ANK1: variants seen among roughly 807,000 people sequenced by gnomAD.
ANK1 encodes ankyrin 1.
Under a neutral mutation model 210.4 loss-of-function variants are expected in ANK1, and 51 were observed. The observed-to-expected ratio is 0.24, with a 90% CI of 0.19 to 0.31. The LOEUF (loss-of-function observed/expected upper bound fraction) is 0.31. ANK1 is among the 10% of genes least tolerant of loss of function. ANK1 has a pLI of 1.00. For missense variants in ANK1, 2,051 were observed against 2,504.4 expected (o/e 0.82, Z 3.86); for synonymous variants, 967 against 1,025.9 (o/e 0.94, Z 1.10).
chr8:41,872,252 C>T (rs760250852), intron 1 of ANK1, among the ~76,000 whole-genome samples: 4 of 152,354 alleles, frequency 2.6e-5, no homozygotes, highest in East Asian at 1.9e-4. Context: ...CGAAGAGCAG[C>T]GTCCCCACAG....
At chr8:41,678,456 A>G (rs1814914442) in intron 37 of ANK1, among the ~76,000 whole-genome samples, 1 of 152,182 alleles carries the variant, frequency 6.6e-6, no homozygotes, top group Admixed American at 6.5e-5. Flanking sequence ...ATTTCTTACA[A>G]TACTTTTTCT....
chr8:41,808,728 AC>A (rs949077330), intron 1 of ANK1, among the ~76,000 whole-genome samples: 1 of 151,776 alleles, frequency 6.6e-6, no homozygotes, highest in Non-Finnish European at 1.5e-5. Flanking sequence ...CATTTAACCC[AC>A]CCCCTACTGC....
At chr8:41,708,341 A>G (rs989862045) in intron 17 of ANK1, among the ~76,000 whole-genome samples, 3 of 152,052 alleles carry the variant, frequency 2.0e-5, no homozygotes, top group Non-Finnish European at 4.4e-5. Flanking sequence ...ATCCTCACAC[A>G]CCTATTGTTG....
chr8:41,690,476 T>C lies in ANK1; in HGVS notation c.3982A>G (p.Lys1328Glu). The change falls in exon 32 of 43, where the codon AAG becomes GAG. Residue 1328 changes from lysine to glutamate, a missense_variant and splice_region_variant. Lys to Glu is a moderately conservative substitution (Grantham distance 56, BLOSUM62 1). Around this residue, in one of 6 missense-constraint regions of ANK1, gnomAD observed 1,413 missense variants for 1,707.4 expected, o/e 0.83. Coordinates refer to ENST00000289734, the MANE Select transcript of ANK1 (RefSeq NM_000037.4). ...ACTCAGCCAGAGGGTGCCGGCACCT[T>C]TACAGGCATGGCCAGACGGTTCTCC... Reference protein sequence around the residue: ...FRENRLAMPVKVRDSSREPGG... With the variant: ...FRENRLAMPVEVRDSSREPGG... The C allele has an allele frequency of 6.2e-7, 1 of 1,614,178 alleles. No individual in the cohort carries two copies. The highest frequency in any genetic ancestry group is 1.1e-5 in the South Asian group (1 of 91,076).
At chr8:41,655,817 CCA>C (rs1563309965) in intron 42 of ANK1, 64 bp from the exon 43 acceptor site, 2 of 1,557,678 alleles carry the variant, frequency 1.3e-6, no homozygotes, top group East Asian at 2.2e-5. Flanking sequence ...AGCAAAAACC[CCA>C]CACACAGAGT....
intron 1 of ANK1, among the ~76,000 whole-genome samples, chr8:41,794,527 CA>C (rs1267893521): frequency 1.3e-5 from 2 of 152,178 alleles, no homozygotes; most frequent in African/African-American, 4.8e-5. Flanking sequence ...TTTCACCTTT[CA>C]ACAGAATGCA....
In ANK1 at chr8:41,894,649, C is replaced by T. The variant is rs555773463; in HGVS notation, c.126+1706G>A. Among the ~76,000 whole-genome samples, 258 of 152,230 alleles carry T rather than the reference C, an allele frequency of 1.7e-3. 1 individual carries two copies. The highest frequency in any genetic ancestry group is 6.0e-3 in the African/African-American group (248 of 41,532). On this transcript the variant is annotated intron_variant, in intron 1 of 42. Transcript: ENST00000265709. ...TGCGAGAGAGAGGTGGATGAGAACACTGAGTGAGCAGCTCGGAGAGGAGCG... is the reference window on the plus strand; with the variant it reads ...TGCGAGAGAGAGGTGGATGAGAACATTGAGTGAGCAGCTCGGAGAGGAGCG...
chr8:41,848,882 G>A (rs536909661), intron 1 of ANK1, among the ~76,000 whole-genome samples: 3 of 152,274 alleles, frequency 2.0e-5, no homozygotes, highest in South Asian at 2.1e-4. Context: ...CCCACTGCAG[G>A]GAACGTTGCT....
At chr8:41,661,649 G>A (rs992180133) in intron 41 of ANK1, 85 bp from the exon 42 acceptor site, 2 of 1,603,714 alleles carry the variant, frequency 1.2e-6, no homozygotes, top group African/African-American at 1.3e-5. Flanking sequence ...AGGCCACACG[G>A]AGGTGGCAGA....
chr8:41,857,019 C>T (rs193251319), intron 1 of ANK1, among the ~76,000 whole-genome samples: 9 of 151,394 alleles, frequency 5.9e-5, no homozygotes, highest in Admixed American at 5.9e-4. Context: ...GCTGGTATTA[C>T]AGATGCGCAC....
chr8:41,723,794 T>TTA (rs1429635680), intron 7 of ANK1, among the ~76,000 whole-genome samples, 161 bp from the exon 8 acceptor site: 6 of 147,846 alleles, frequency 4.1e-5, no homozygotes, highest in Non-Finnish European at 7.5e-5. Flanking sequence ...TATTTTTTAT[T>TTA]TTTTTTTTTT....
chr8:41,781,912 G>A (rs1395144762), intron 1 of ANK1, among the ~76,000 whole-genome samples: 1 of 152,208 alleles, frequency 6.6e-6, no homozygotes, highest in East Asian at 1.9e-4. Flanking sequence ...GGTCCCTGCT[G>A]CTGGCGGCTC....
At chr8:41,873,187 A>G (rs180742522) in intron 1 of ANK1, among the ~76,000 whole-genome samples, 151 of 152,362 alleles carry the variant, frequency 9.9e-4, no homozygotes, top group African/African-American at 3.3e-3. Context: ...AAGAAACTAC[A>G]TAAAGTGACT....
chr8:41,719,755 T>G lies in ANK1; in HGVS notation c.1013A>C (p.His338Pro). Residue 338 changes from histidine to proline, a missense_variant, in exon 10 of 43, where the codon CAC becomes CCC. Transcript: ENST00000289734. ...DAEIDDITLDHLTPLHVAAHC... is the reference protein window; with the variant it reads ...DAEIDDITLDPLTPLHVAAHC... The stretch of plus-strand genomic sequence containing the variant: ...GGCAGCCACGTGGAGTGGGGTCAGG[T>G]GGTCCAGGGTGATGTCGTCTATCTC... 1 of 1,614,124 alleles carries G rather than the reference T, an allele frequency of 6.2e-7. No individual in the cohort carries two copies. Among genetic ancestry groups the G allele is most frequent in the South Asian group, 1.1e-5 (1 of 91,078 alleles).
chr8:41,856,403 G>A (rs1486623728), intron 1 of ANK1, among the ~76,000 whole-genome samples: 4 of 152,236 alleles, frequency 2.6e-5, no homozygotes, highest in African/African-American at 9.6e-5. Context: ...GAGAGGAGAG[G>A]CTTTATGCAG....
chr8:41,769,295 C>T (rs1402806016), intron 1 of ANK1, among the ~76,000 whole-genome samples: 1 of 152,226 alleles, frequency 6.6e-6, no homozygotes, highest in Non-Finnish European at 1.5e-5. Flanking sequence ...TCACACAGCC[C>T]CTTCCCTCCC....
rs751308312 is a variant in ANK1 at position 41,694,038 on chromosome 8, A to G, written c.3392T>C (p.Ile1131Thr). 26 of 1,613,866 alleles carry G rather than the reference A, an allele frequency of 1.6e-5. No individual in the cohort carries two copies. In the Admixed American group the frequency reaches 2.8e-4, roughly 18 times the overall value. The change falls in exon 29 of 43, where the codon ATT becomes ACT. Residue 1131 changes from isoleucine to threonine, a missense_variant. Ile to Thr is a moderately conservative substitution (Grantham distance 89, BLOSUM62 -1). Transcript: ENST00000289734. This position sits in a 1 kb window ranked among gnomAD's most constrained non-coding sequence, Gnocchi z 5.7. Reference protein sequence around the residue: ...LLGNQATFSPIVTVEPRRRKF... With the variant: ...LLGNQATFSPTVTVEPRRRKF... ...CCGGCGCCGGGGCTCCACGGTGACA[A>G]TGGGGCTGAATGTGGCCTGGTTGCC...
At chr8:41,888,484 C>T (rs1339408992) in intron 1 of ANK1, among the ~76,000 whole-genome samples, 1 of 152,226 alleles carries the variant, frequency 6.6e-6, no homozygotes, top group Admixed American at 6.5e-5. Context: ...CATCCATTCA[C>T]ACCACCCTCA....
Position 41,701,943 on chromosome 8 carries a change from C to T in ANK1, c.2388+109G>A, listed in dbSNP as rs1822939289. On this transcript the variant is annotated intron_variant, in intron 21 of 42. Coordinates refer to ENST00000289734, the MANE Select transcript of ANK1 (RefSeq NM_000037.4). ...CACCCGTCGGGCGCGGCGCCTCCGA[C>T]CCGCGTCCCGGAGCCCCAGAACGCA... 2.5e-6 allele frequency: 3 copies of T among 1,213,062 alleles called. No individual in the cohort carries two copies. The South Asian group carries it at 3.8e-5, about 15-fold the overall frequency. The allele number at this position is 1,213,062 out of a possible 1,614,324, so 75.1% of individuals were successfully genotyped here. A position where few individuals can be genotyped will look rare whatever the true frequency, so the allele number is the denominator to read the frequency against.
Sources: gnomAD v4.1 joint callset for allele counts (sites outside exome capture counted in the v4.1 genomes callset) on GRCh38, gnomAD v4.1.1 for gene constraint, gnomAD v4.1.1 regional missense constraint, Gnocchi (gnomAD v3.1) non-coding constraint, MANE v1.5 for transcripts, NCBI Gene and HGNC (gene_info 2026-07-23, HGNC 2026-07-21) for gene names.